Variants in HNRNPD observed in about 807,000 individuals in gnomAD.
The protein encoded by HNRNPD is heterogeneous nuclear ribonucleoprotein D0.
Under a neutral mutation model 47.9 loss-of-function variants are expected in HNRNPD, and 3 were observed. That is an observed-to-expected ratio of 0.06 (90% CI 0.03 to 0.16). The LOEUF (loss-of-function observed/expected upper bound fraction) is 0.16. HNRNPD is among the 10% of genes least tolerant of loss of function. The pLI is 1.00. For missense variants in HNRNPD, 287 were observed against 454.2 expected (o/e 0.63, Z 3.35); for synonymous variants, 171 against 165.1 (o/e 1.04, Z -0.28).
At chr4:82,373,191 G>A (rs1204385930) in intron 1 of HNRNPD, 1 of 677,902 alleles carries the variant, frequency 1.5e-6, no homozygotes, top group Non-Finnish European at 2.7e-6. Context: ...AGGAAAGGAG[G>A]GCGGGCCGAG....
In HNRNPD at chr4:82,373,689, T is replaced by C; in HGVS notation, c.-11A>G. On this transcript the variant is annotated 5_prime_UTR_variant, in exon 1 of 9. Coordinates refer to ENST00000313899, the MANE Select transcript of HNRNPD (RefSeq NM_031370.3). ...CTGCTCCTCCGACATAGTGCTAGTGTCTCCGCCGCTGCCGCCGAGACTACA... is the reference window on the plus strand; with the variant it reads ...CTGCTCCTCCGACATAGTGCTAGTGCCTCCGCCGCTGCCGCCGAGACTACA... 6.6e-7 allele frequency: 1 copy of C among 1,526,486 alleles called. No homozygotes were observed. The allele number at this position is 1,526,486 out of a possible 1,614,324, so 94.6% of individuals were successfully genotyped here. A position where few individuals can be genotyped will look rare whatever the true frequency, so the allele number is the denominator to read the frequency against.
intron 2 of HNRNPD, among the ~76,000 whole-genome samples, chr4:82,370,981 TACACAC>T (rs1553896641): frequency 8.7e-5 from 13 of 149,462 alleles, no homozygotes; most frequent in South Asian, 2.1e-4. Flanking sequence ...GGTATATATA[TACACAC>T]ACACACACAC....
At chr4:82,357,659 T>C (rs895193165) in intron 4 of HNRNPD, 13 of 387,524 alleles carry the variant, frequency 3.4e-5, no homozygotes, top group Non-Finnish European at 9.1e-6. Flanking sequence ...TTTACAAAAA[T>C]AAGCTTTACC....
At chr4:82,368,087 T>G (rs563163338) in intron 2 of HNRNPD, among the ~76,000 whole-genome samples, 24 of 152,320 alleles carry the variant, frequency 1.6e-4, no homozygotes, top group Middle Eastern at 3.4e-3. Context: ...TAAGTTATGT[T>G]TCACCCATTT....
intron 2 of HNRNPD, among the ~76,000 whole-genome samples, chr4:82,362,987 T>C (rs1394814479): frequency 6.6e-6 from 1 of 152,100 alleles, no homozygotes; most frequent in Admixed American, 6.5e-5. Context: ...AATGTTGGCA[T>C]ACATGCTCTC....
chr4:82,373,274 A>G (rs1720177012), intron 1 of HNRNPD, 172 bp downstream of exon 1: 2 of 864,092 alleles, frequency 2.3e-6, no homozygotes, highest in Non-Finnish European at 3.6e-6. Context: ...GCAAAGGAAG[A>G]AGGAAATGAA....
At position 82,355,353 on chromosome 4, in the gene HNRNPD, T is replaced by C; in HGVS notation, c.1049A>G (p.Asn350Ser). The part of the protein sequence containing the change: ...GKVSRRGGHQ[N>S]SYKPY ...AATAATTTAGTATGGTTTGTAGCTA[T>C]TTTGATGACCACCTCGCCTGGATAC... The change falls in exon 8 of 9, where the codon AAT becomes AGT. Residue 350 changes from asparagine (N) to serine (S), a missense_variant. Coordinates refer to ENST00000313899, the MANE Select transcript of HNRNPD (RefSeq NM_031370.3). The C allele has an allele frequency of 6.2e-7, 1 of 1,613,634 alleles. No homozygotes were observed. The highest frequency in any genetic ancestry group is 8.5e-7 in the Non-Finnish European group (1 of 1,179,532).
In HNRNPD at chr4:82,354,163, AAAG is replaced by A. The variant is rs1161881137; in HGVS notation, c.*31-12_*31-10del. 2 of 152,510 alleles carry A rather than the reference AAAG, an allele frequency of 1.3e-5. No individual in the cohort carries two copies. The highest frequency in any genetic ancestry group is 4.8e-5 in the African/African-American group (2 of 41,478). 9.4% of individuals were successfully genotyped at this position (152,510 alleles called of 1,614,324 possible). On this transcript the variant is annotated splice_polypyrimidine_tract_variant and intron_variant, in intron 8 of 8. Coordinates refer to ENST00000313899, the MANE Select transcript of HNRNPD (RefSeq NM_031370.3). ...AAATACTGCTTCACCACCTGGAGAC[AAAG>A]AAGAAAAAATAGAAGTCACTCTGGG...
chr4:82,370,525 G>A (rs1197350220), intron 2 of HNRNPD, among the ~76,000 whole-genome samples: 1 of 99,356 alleles, frequency 1.0e-5, no homozygotes, highest in African/African-American at 4.8e-5. Context: ...TGTGACCCCA[G>A]TCTTTTTTTT....
chr4:82,359,532 A>T lies in HNRNPD; in HGVS notation c.398T>A (p.Ile133Asn). Reference sequence around the variant, plus strand: ...GCCAAAACCCCTTGATCGCCCTGTGATAGGATCTAACTTCAGAGTGCAGTC... The same window carrying T: ...GCCAAAACCCCTTGATCGCCCTGTGTTAGGATCTAACTTCAGAGTGCAGTC... ...VVDCTLKLDPITGRSRGFGFV... is the reference protein window; with the variant it reads ...VVDCTLKLDPNTGRSRGFGFV... The change falls in exon 3 of 9, where the codon ATC becomes AAC. Residue 133 changes from isoleucine (I) to asparagine (N), a missense_variant. Ile to Asn is a moderately radical substitution (Grantham distance 149). Around this residue, in one of 5 missense-constraint regions of HNRNPD, gnomAD observed 22 missense variants for 74.6 expected, o/e 0.30. Coordinates refer to ENST00000313899, the MANE Select transcript of HNRNPD (RefSeq NM_031370.3). 6.2e-7 allele frequency: 1 copy of T among 1,604,080 alleles called. No homozygotes were observed. The highest frequency in any genetic ancestry group is 8.5e-7 in the Non-Finnish European group (1 of 1,172,322).
intron 2 of HNRNPD, among the ~76,000 whole-genome samples, chr4:82,367,998 C>T (rs1186184074): frequency 2.0e-5 from 3 of 152,186 alleles, no homozygotes; most frequent in Non-Finnish European, 2.9e-5. Context: ...AGAGATCCCA[C>T]GCTTTCAGCA....
At chr4:82,362,123 A>C (rs1719482401) in intron 2 of HNRNPD, among the ~76,000 whole-genome samples, 1 of 152,200 alleles carries the variant, frequency 6.6e-6, no homozygotes, top group Non-Finnish European at 1.5e-5. Context: ...CTTCAAATAC[A>C]GTAATCATAA....
intron 2 of HNRNPD, among the ~76,000 whole-genome samples, chr4:82,362,660 T>C (rs1719528994): frequency 6.6e-6 from 1 of 152,194 alleles, no homozygotes; most frequent in African/African-American, 2.4e-5. Flanking sequence ...TGGAGCGCAG[T>C]GGCACAATCT....
chr4:82,364,401 T>C lies in HNRNPD; in HGVS notation c.291-4762A>G, dbSNP rs141759835. Among the ~76,000 whole-genome samples, 25 of 152,352 alleles carry C rather than the reference T, an allele frequency of 1.6e-4. No homozygotes were observed. In the East Asian group the frequency reaches 4.8e-3, roughly 29 times the overall value. On this transcript the variant is annotated intron_variant, in intron 2 of 8. Transcript: ENST00000313899. ...GTTAACACACTTAAAGGACACAGAATAGTCTGACACACATCCTAAATGATT... is the reference window on the plus strand; with the variant it reads ...GTTAACACACTTAAAGGACACAGAACAGTCTGACACACATCCTAAATGATT...
At chr4:82,358,060 A>G (rs1723799198) in intron 4 of HNRNPD, 1 of 152,312 alleles carries the variant, frequency 6.6e-6, no homozygotes, top group Non-Finnish European at 1.5e-5. Context: ...CTCAACTTTC[A>G]TTAATTCATA....
At position 82,369,223 on chromosome 4, in the gene HNRNPD, G is replaced by T. The variant is rs372850956; in HGVS notation, c.290+2305C>A. ...CCCAAATGAACTGCAGCACTGCAGA[G>T]AACAGAATGGGTCCACACCACAAAG... On this transcript the variant is annotated intron_variant, in intron 2 of 8. Transcript: ENST00000313899. Among the ~76,000 whole-genome samples, 11 of 152,302 alleles carry T rather than the reference G, an allele frequency of 7.2e-5. No individual in the cohort carries two copies. In the South Asian group the frequency reaches 8.3e-4, roughly 11 times the overall value.
chr4:82,365,035 TTTCTATG>T (rs1164182492), intron 2 of HNRNPD, among the ~76,000 whole-genome samples: 1 of 152,182 alleles, frequency 6.6e-6, no homozygotes, highest in African/African-American at 2.4e-5. Flanking sequence ...TAGTATTCTT[TTTCTATG>T]TTCTATAACT....
intron 2 of HNRNPD, among the ~76,000 whole-genome samples, chr4:82,361,299 A>G (rs946546628): frequency 6.6e-6 from 1 of 152,204 alleles, no homozygotes; most frequent in African/African-American, 2.4e-5. Flanking sequence ...GACAGAAGTT[A>G]TTTACCAACA....
intron 2 of HNRNPD, among the ~76,000 whole-genome samples, chr4:82,361,972 G>A (rs1269468581): frequency 2.0e-5 from 3 of 152,142 alleles, no homozygotes; most frequent in Non-Finnish European, 4.4e-5. Context: ...CAGCACTTTT[G>A]GAGAATAAGG....
Sources: gnomAD v4.1 joint callset for allele counts (sites outside exome capture counted in the v4.1 genomes callset) on GRCh38, gnomAD v4.1.1 for gene constraint, gnomAD v4.1.1 regional missense constraint, MANE v1.5 for transcripts, NCBI Gene and HGNC (gene_info 2026-07-23, HGNC 2026-07-21) for gene names.